The following DNAH11 variants were observed in gnomAD, a reference collection of about 807,000 sequenced individuals.
DNAH11 encodes the protein axonemal beta dynein heavy chain 11.
Under a neutral mutation model 526.0 loss-of-function variants are expected in DNAH11, and 442 were observed. The observed-to-expected ratio is 0.84, with a 90% CI of 0.78 to 0.91. The LOEUF (loss-of-function observed/expected upper bound fraction) is 0.91. DNAH11 is among the 40% of genes least tolerant of loss of function. The probability of loss-of-function intolerance (pLI) is 0.00; values close to 1 mark genes in which losing one functional copy is unlikely to be tolerated. For synonymous variants in DNAH11, 2,461 were observed against 1,935.9 expected (o/e 1.27, Z -7.12); for missense variants, 6,989 against 5,448.7 (o/e 1.28, Z -8.90).
chr7:21,614,976 A>G (rs1785696537), intron 20 of DNAH11, 138 bp from the exon 21 acceptor site: 2 of 978,862 alleles, frequency 2.0e-6, no homozygotes, highest in Non-Finnish European at 1.4e-6. Flanking sequence ...ACATTTTGCC[A>G]GTAATTACGC....
intron 31 of DNAH11, 29 bp from the exon 32 acceptor site, chr7:21,683,755 T>A: frequency 6.5e-7 from 1 of 1,539,568 alleles, no homozygotes. Flanking sequence ...ACCAGTGTCC[T>A]GCGTATGATG....
Position 21,901,375 on chromosome 7 carries a change from T to C in DNAH11, c.*121T>C. The C allele has an allele frequency of 7.5e-7, 1 of 1,325,110 alleles. No homozygotes were observed. Among genetic ancestry groups the C allele is most frequent in the South Asian group, 2.2e-5 (1 of 45,946 alleles). 82.1% of individuals were successfully genotyped at this position (1,325,110 alleles called of 1,614,324 possible). ...AGTAACTCACACGTGCATTCTTTTT[T>C]CAACGCTATCCTTAGAGTGAAAGTC... is the stretch of plus-strand genomic sequence containing the variant. On this transcript the variant is annotated 3_prime_UTR_variant, in exon 82 of 82. Transcript: ENST00000409508.
At chr7:21,556,899 T>C (rs1472397330) in intron 2 of DNAH11, among the ~76,000 whole-genome samples, 1 of 152,016 alleles carries the variant, frequency 6.6e-6, no homozygotes, top group Non-Finnish European at 1.5e-5. Flanking sequence ...TCGTCTCTAC[T>C]AAAATACGAA....
At chr7:21,809,968 T>G (rs367814530) in intron 63 of DNAH11, among the ~76,000 whole-genome samples, 1 of 152,208 alleles carries the variant, frequency 6.6e-6, no homozygotes, top group African/African-American at 2.4e-5. Flanking sequence ...TTTAGAGTTA[T>G]AGTTGGAAAA....
intron 54 of DNAH11, among the ~76,000 whole-genome samples, chr7:21,751,735 A>G (rs1474665962): frequency 6.6e-6 from 1 of 152,300 alleles, no homozygotes; most frequent in Non-Finnish European, 1.5e-5. Context: ...TGCTATTTCA[A>G]GTTTCACGTT....
rs575437991 is a variant in DNAH11, at chr7:21,613,934, A to ATTTTTTTT, written c.3853-1173_3853-1166dup. Among the ~76,000 whole-genome samples, 114 of 142,820 alleles carry ATTTTTTTT rather than the reference A, an allele frequency of 8.0e-4. 1 individual carries two copies. The highest frequency in any genetic ancestry group is 4.9e-3 in the East Asian group (24 of 4,866). The allele number at this position is 142,820 out of a possible 152,430, so 93.7% of individuals were successfully genotyped here. A position where few individuals can be genotyped will look rare whatever the true frequency, so the allele number is the denominator to read the frequency against. On this transcript the variant is annotated intron_variant, in intron 20 of 81. Coordinates refer to ENST00000409508, the MANE Select transcript of DNAH11 (RefSeq NM_001277115.2). ...AGGCACATGCCACCATGCCCAGCTA[A>ATTTTTTTT]TTTTTTTTTTTTTTGCACTTTTAAT...
chr7:21,886,770 T>C (rs971092082), intron 76 of DNAH11, among the ~76,000 whole-genome samples: 3 of 152,110 alleles, frequency 2.0e-5, no homozygotes, highest in Non-Finnish European at 2.9e-5. Flanking sequence ...GTAAAATAAA[T>C]ATAGGTGATG....
At chr7:21,603,801 C>G (rs1242010018) in intron 18 of DNAH11, among the ~76,000 whole-genome samples, 1 of 152,088 alleles carries the variant, frequency 6.6e-6, no homozygotes, top group Non-Finnish European at 1.5e-5. Flanking sequence ...GAACCTTAAA[C>G]TATATCTCAT....
chr7:21,571,550 T>C (rs1242889713), intron 7 of DNAH11, among the ~76,000 whole-genome samples: 2 of 152,092 alleles, frequency 1.3e-5, no homozygotes, highest in Non-Finnish European at 2.9e-5. Context: ...AAAGTGCTGG[T>C]ATTACAAGCG....
Position 21,894,794 on chromosome 7 carries a change from C to CT in DNAH11, c.12924dup (p.Ser4309Ter). ...ACGTATATCACTTGAACAACTGGAC[C>CT]TTAGTTTGAAGGTAAGCTTAAAGTG... On this transcript the variant is annotated frameshift_variant, in exon 78 of 82. Transcript: ENST00000409508. LOFTEE classifies it high-confidence loss of function. 6.2e-7 allele frequency: 1 copy of CT among 1,609,016 alleles called. No individual in the cohort carries two copies. The highest frequency in any genetic ancestry group is 8.5e-7 in the Non-Finnish European group (1 of 1,177,030).
At chr7:21,723,680 G>A (rs1447263918) in intron 44 of DNAH11, among the ~76,000 whole-genome samples, 6 of 152,042 alleles carry the variant, frequency 3.9e-5, no homozygotes, top group Non-Finnish European at 8.8e-5. Context: ...CAAGGCCTCT[G>A]AATCTAGCCC....
At chr7:21,726,146 C>T (rs746105174) in intron 45 of DNAH11, among the ~76,000 whole-genome samples, 162 bp downstream of exon 45, 20 of 152,230 alleles carry the variant, frequency 1.3e-4, no homozygotes, top group East Asian at 1.9e-4. Flanking sequence ...TCTGGGAAGG[C>T]CTCAGAAAAT....
chr7:21,674,212 T>C (rs879723321), intron 30 of DNAH11, among the ~76,000 whole-genome samples: 1 of 151,484 alleles, frequency 6.6e-6, no homozygotes, highest in African/African-American at 2.4e-5. Context: ...GGCGTGATCA[T>C]GCCCAGCTAA....
chr7:21,612,294 G>A (rs917601699), intron 20 of DNAH11, among the ~76,000 whole-genome samples: 3 of 152,126 alleles, frequency 2.0e-5, no homozygotes, highest in Admixed American at 1.3e-4. Flanking sequence ...GGTGGCTCAC[G>A]CCTGTAATCC....
intron 14 of DNAH11, among the ~76,000 whole-genome samples, chr7:21,598,431 A>G (rs1194354079): frequency 6.6e-6 from 1 of 152,116 alleles, no homozygotes; most frequent in Admixed American, 6.6e-5. Flanking sequence ...ATTTTGCCCC[A>G]ACTGGCTTGT....
chr7:21,885,983 T>C (rs1041455437), intron 76 of DNAH11, among the ~76,000 whole-genome samples: 5 of 152,314 alleles, frequency 3.3e-5, no homozygotes, highest in Admixed American at 2.6e-4. Context: ...GGCTGTAGTT[T>C]TCTCATGCTC....
intron 2 of DNAH11, among the ~76,000 whole-genome samples, chr7:21,549,157 G>T (rs144282761): frequency 3.3e-5 from 5 of 152,152 alleles, no homozygotes; most frequent in Non-Finnish European, 7.3e-5. Flanking sequence ...GGGAATACAG[G>T]CATGAGCCAC....
chr7:21,633,435 A>T (rs1289918954), intron 25 of DNAH11, among the ~76,000 whole-genome samples: 2 of 152,218 alleles, frequency 1.3e-5, no homozygotes, highest in Non-Finnish European at 2.9e-5. Flanking sequence ...ACTGTATTGC[A>T]GTCTATCTCA....
Position 21,600,134 on chromosome 7 carries a change from AATG to A in DNAH11, c.3000+16_3000+18del. On this transcript the variant is annotated intron_variant, in intron 15 of 81. Coordinates refer to ENST00000409508, the MANE Select transcript of DNAH11 (RefSeq NM_001277115.2). ...AAAATTATCAGGTATTTTCTTAGTA[AATG>A]GGTATTTAGCTTTTATATTAATGAT... is the stretch of plus-strand genomic sequence containing the variant. 30 of 1,529,536 alleles carry A rather than the reference AATG, an allele frequency of 2.0e-5. No homozygotes were observed. The highest frequency in any genetic ancestry group is 2.6e-5 in the Non-Finnish European group (30 of 1,138,022). The allele number at this position is 1,529,536 out of a possible 1,614,324, so 94.7% of individuals were successfully genotyped here.
Sources: gnomAD v4.1 joint callset for allele counts (sites outside exome capture counted in the v4.1 genomes callset) on GRCh38, gnomAD v4.1.1 for gene constraint, MANE v1.5 for transcripts, NCBI Gene and HGNC (gene_info 2026-07-23, HGNC 2026-07-21) for gene names.